PRKCQ: variants seen among roughly 807,000 people sequenced by gnomAD.
PRKCQ encodes protein kinase C theta.
A neutral mutation model predicts 91.2 loss-of-function variants in PRKCQ; 41 were observed. That is an observed-to-expected ratio of 0.45 (90% CI 0.35 to 0.58). The LOEUF is 0.58. Ranked by LOEUF, PRKCQ falls within the 20% of genes least tolerant of loss-of-function variation. PRKCQ has a pLI of 0.00. For missense variants in PRKCQ, 673 were observed against 896.5 expected, an observed-to-expected ratio of 0.75 and a Z score of 3.18; for synonymous variants, 307 against 316.9, an observed-to-expected ratio of 0.97 and a Z score of 0.33.
intron 1 of PRKCQ, among the ~76,000 whole-genome samples, chr10:6,570,114 T>C (rs113682896): frequency 5.9e-5 from 9 of 152,172 alleles, no homozygotes; most frequent in African/African-American, 1.9e-4. Context: ...TGTCCCAGGA[T>C]GCATGTGTGC....
chr10:6,447,784 T>G (rs1192321668), intron 15 of PRKCQ, among the ~76,000 whole-genome samples: 3 of 151,932 alleles, frequency 2.0e-5, no homozygotes, highest in Non-Finnish European at 4.4e-5. Flanking sequence ...GGCCACAGAG[T>G]CCCCTCCCTG....
At chr10:6,506,314 T>G (rs978153442) in intron 4 of PRKCQ, among the ~76,000 whole-genome samples, 8 of 152,196 alleles carry the variant, frequency 5.3e-5, no homozygotes, top group Non-Finnish European at 8.8e-5. Flanking sequence ...TTTCAGCAAT[T>G]ATTAACTGAT....
chr10:6,542,369 G>T (rs1839806354), intron 1 of PRKCQ, among the ~76,000 whole-genome samples: 1 of 152,218 alleles, frequency 6.6e-6, no homozygotes, highest in African/African-American at 2.4e-5. Flanking sequence ...GCATTCTGAT[G>T]TCATGGGAAG....
intron 1 of PRKCQ, among the ~76,000 whole-genome samples, chr10:6,569,348 T>C (rs1355224717): frequency 2.0e-5 from 3 of 151,392 alleles, no homozygotes; most frequent in African/African-American, 4.9e-5. Flanking sequence ...AGCTCAGAGA[T>C]TGAGCAGACG....
Position 6,499,583 on chromosome 10 carries a change from AATAAGG to A in PRKCQ, c.380-1031_380-1026del, listed in dbSNP as rs1356288428. On this transcript the variant is annotated intron_variant, in intron 4 of 17. Coordinates refer to ENST00000263125, the MANE Select transcript of PRKCQ (RefSeq NM_006257.5). ...ACACAAATAAATATGTGAATAAATA[AATAAGG>A]ATAATGAATTTAAATCCCAGAGTTA... 5.9e-5 allele frequency among the ~76,000 whole-genome samples: 9 copies of A among 152,334 alleles called. No homozygotes were observed. In the South Asian group the frequency reaches 1.7e-3, roughly 28 times the overall value.
chr10:6,493,075 G>GA, intron 7 of PRKCQ, among the ~76,000 whole-genome samples: 1 of 152,166 alleles, frequency 6.6e-6, no homozygotes, highest in Non-Finnish European at 1.5e-5. Flanking sequence ...GTCCAGGCTG[G>GA]AAGGGGACCA....
intron 15 of PRKCQ, among the ~76,000 whole-genome samples, chr10:6,445,032 G>A (rs1042269630): frequency 6.9e-6 from 1 of 144,752 alleles, no homozygotes; most frequent in Non-Finnish European, 1.5e-5. Flanking sequence ...GCTGAGGCAG[G>A]AGAATCGCTT....
chr10:6,556,369 C>T (rs1840413648), intron 1 of PRKCQ, among the ~76,000 whole-genome samples: 2 of 142,472 alleles, frequency 1.4e-5, no homozygotes, highest in South Asian at 2.4e-4. Flanking sequence ...GAGTTAGAGG[C>T]TACAGTGAGC....
chr10:6,504,784 T>G (rs1838096755), intron 4 of PRKCQ, among the ~76,000 whole-genome samples: 1 of 152,220 alleles, frequency 6.6e-6, no homozygotes, highest in South Asian at 2.1e-4. Context: ...TCTAGTTAGG[T>G]TATTCCATAA....
chr10:6,425,225 A>AT (rs34277466), downstream of PRKCQ, among the ~76,000 whole-genome samples: 54,617 of 137,672 alleles, frequency 0.4, 12,222 homozygotes, highest in East Asian at 0.74. Context: ...TCTCTCCTCT[A>AT]TTTTTTTTTT....
intron 14 of PRKCQ, among the ~76,000 whole-genome samples, chr10:6,458,860 G>A (rs568110594): frequency 6.6e-6 from 1 of 152,290 alleles, no homozygotes; most frequent in African/African-American, 2.4e-5. Flanking sequence ...TCTAAGATTG[G>A]AAGTTCTAGA....
At chr10:6,521,956 T>TATTC (rs1489056731) in intron 1 of PRKCQ, among the ~76,000 whole-genome samples, 2 of 151,296 alleles carry the variant, frequency 1.3e-5, no homozygotes, top group African/African-American at 4.9e-5. Flanking sequence ...TTTATTTATT[T>TATTC]TTTTGAGACG....
intron 1 of PRKCQ, among the ~76,000 whole-genome samples, chr10:6,574,991 G>C (rs949844953): frequency 6.6e-6 from 1 of 152,066 alleles, no homozygotes; most frequent in Non-Finnish European, 1.5e-5. Context: ...GCACATATTT[G>C]TTCACAACTT....
intron 1 of PRKCQ, among the ~76,000 whole-genome samples, chr10:6,535,974 C>T (rs1839568622): frequency 1.3e-5 from 2 of 152,054 alleles, no homozygotes; most frequent in African/African-American, 4.8e-5. Flanking sequence ...GATCACAAGC[C>T]CTCTTCCTTC....
chr10:6,467,393 G>GAGAGAGAGAGAGAC (rs1835737542), intron 12 of PRKCQ, among the ~76,000 whole-genome samples: 1 of 36,552 alleles, frequency 2.7e-5, no homozygotes, highest in African/African-American at 8.1e-5. Context: ...GACAGACAGA[G>GAGAGAGAGAGAGAC]AGAGAGAGAG....
chr10:6,488,270 T>C (rs1331524954), intron 8 of PRKCQ, among the ~76,000 whole-genome samples: 2 of 152,232 alleles, frequency 1.3e-5, no homozygotes, highest in African/African-American at 2.4e-5. Context: ...TAGATGTAGA[T>C]ATTAAAATAT....
chr10:6,576,253 G>A lies in PRKCQ; in HGVS notation c.-10+3958C>T, dbSNP rs12260993. 1.3e-4 allele frequency among the ~76,000 whole-genome samples: 20 copies of A among 152,170 alleles called. No individual in the cohort carries two copies. The highest frequency in any genetic ancestry group is 4.1e-4 in the African/African-American group (17 of 41,426). ...AGCAGGACCTCAAACAGATATCTGC[G>A]TGTTCCTCTTCACGGCAGCATTATT... On this transcript the variant is annotated intron_variant, in intron 1 of 17. Coordinates refer to ENST00000263125, the MANE Select transcript of PRKCQ (RefSeq NM_006257.5). The surrounding 1 kb of genome is among the most constrained non-coding windows in gnomAD (Gnocchi z 4.2).
chr10:6,525,827 G>A (rs754711399), intron 1 of PRKCQ, among the ~76,000 whole-genome samples: 2 of 152,064 alleles, frequency 1.3e-5, no homozygotes, highest in Non-Finnish European at 2.9e-5. Context: ...TTCTCCCAGG[G>A]TTCCATAAAT....
chr10:6,413,748 A>C, the PRKCQ span, among the ~76,000 whole-genome samples: 1 of 127,418 alleles, frequency 7.8e-6, no homozygotes, highest in Non-Finnish European at 1.7e-5. Context: ...CACACACACT[A>C]GGAAGCACTG....
Sources: allele counts gnomAD v4.1 joint callset (sites outside exome capture counted in the v4.1 genomes callset), GRCh38; gene constraint gnomAD v4.1.1; non-coding constraint Gnocchi (gnomAD v3.1); transcripts MANE v1.5; gene names NCBI Gene and HGNC (gene_info 2026-07-23, HGNC 2026-07-21).